Variants in GDAP1 observed in about 807,000 individuals in gnomAD.
GDAP1 encodes the protein ganglioside-induced differentiation-associated protein 1.
Under a neutral mutation model 40.1 loss-of-function variants are expected in GDAP1, and 34 were observed. The observed-to-expected ratio is 0.85, with a 90% confidence interval of 0.64 to 1.13. The LOEUF (loss-of-function observed/expected upper bound fraction) is 1.13, where lower values mean the gene tolerates loss of function less well. Ranked by LOEUF, GDAP1 falls within the 50% of genes most tolerant of loss-of-function variation. GDAP1 has a pLI of 0.00. For synonymous variants in GDAP1, 170 were observed against 157.4 expected (o/e 1.08, Z -0.60); for missense variants, 374 against 433.7 (o/e 0.86, Z 1.22).
chr8:74,449,493 T>C (rs1806271383), intron 2 of GDAP1, among the ~76,000 whole-genome samples: 1 of 151,882 alleles, frequency 6.6e-6, no homozygotes. Context: ...AGGTCTTAGA[T>C]TTTTCTAAAC....
rs188611983 is a variant in GDAP1 at position 74,457,008 on chromosome 8, A to G, written c.166-31670A>G. Among the ~76,000 whole-genome samples, 749 of 152,234 alleles carry G rather than the reference A, an allele frequency of 4.9e-3. 6 individuals are homozygous for G. The highest frequency in any genetic ancestry group is 8.5e-3 in the Non-Finnish European group (580 of 67,938). The stretch of plus-strand genomic sequence containing the variant: ...GTATTGGAGAAGGGTGGCCCATGCC[A>G]TATGGCTACCCCTTACTTCTGTGTT... On this transcript the variant is annotated intron_variant, in intron 2 of 2. Transcript: ENST00000523640.
At chr8:74,350,776 G>T (rs143803734) in intron 1 of GDAP1, among the ~76,000 whole-genome samples, 198 bp downstream of exon 1, 1 of 152,230 alleles carries the variant, frequency 6.6e-6, no homozygotes, top group East Asian at 1.9e-4. Context: ...ATCCTATGTG[G>T]CTATGGCCCA....
intron 2 of GDAP1, among the ~76,000 whole-genome samples, chr8:74,392,025 G>A (rs921246016): frequency 2.0e-5 from 3 of 152,098 alleles, no homozygotes; most frequent in African/African-American, 7.2e-5. Flanking sequence ...CTCCATGTTG[G>A]TCAGGCTGGT....
At chr8:74,424,931 T>G (rs1805928356) in intron 2 of GDAP1, among the ~76,000 whole-genome samples, 1 of 152,192 alleles carries the variant, frequency 6.6e-6, no homozygotes, top group South Asian at 2.1e-4. Context: ...ATCTTTAAAC[T>G]TCCCTCTTAT....
intron 2 of GDAP1, among the ~76,000 whole-genome samples, chr8:74,446,846 C>T (rs543476978): frequency 4.6e-5 from 7 of 152,048 alleles, no homozygotes; most frequent in South Asian, 4.2e-4. Flanking sequence ...ATATGACATG[C>T]GCAGAATAGG....
chr8:74,439,925 A>G (rs1806142215), intron 2 of GDAP1, among the ~76,000 whole-genome samples: 1 of 151,978 alleles, frequency 6.6e-6, no homozygotes, highest in African/African-American at 2.4e-5. Context: ...CACTATTTTT[A>G]TATATCTTGT....
intron 2 of GDAP1, among the ~76,000 whole-genome samples, chr8:74,422,920 G>A (rs1805896280): frequency 6.6e-6 from 1 of 151,272 alleles, no homozygotes; most frequent in Admixed American, 6.6e-5. Context: ...ATGTAGACAT[G>A]TATATATATA....
intron 2 of GDAP1, among the ~76,000 whole-genome samples, chr8:74,470,134 G>A (rs1806529860): frequency 6.6e-6 from 1 of 151,688 alleles, no homozygotes; most frequent in African/African-American, 2.4e-5. Context: ...TGTAGCTAAT[G>A]CTTTCTTAGA....
intron 2 of GDAP1, among the ~76,000 whole-genome samples, chr8:74,358,421 G>A (rs1809203300): frequency 6.6e-6 from 1 of 152,184 alleles, no homozygotes; most frequent in South Asian, 2.1e-4. Flanking sequence ...GACCCCTAAA[G>A]CATTAGTTCT....
chr8:74,485,002 A>G (rs1806758845), intron 2 of GDAP1, among the ~76,000 whole-genome samples: 1 of 152,102 alleles, frequency 6.6e-6, no homozygotes, highest in Non-Finnish European at 1.5e-5. Flanking sequence ...TTACCATTTC[A>G]AACCCACACA....
intron 2 of GDAP1, among the ~76,000 whole-genome samples, chr8:74,471,707 T>C (rs1387021664): frequency 1.3e-5 from 2 of 152,282 alleles, no homozygotes; most frequent in East Asian, 3.9e-4. Context: ...ACCACTGATA[T>C]ACTGCTTGTC....
chr8:74,423,881 A>G (rs1356647923), intron 2 of GDAP1, among the ~76,000 whole-genome samples: 1 of 152,130 alleles, frequency 6.6e-6, no homozygotes, highest in Non-Finnish European at 1.5e-5. Flanking sequence ...CCTTCTTGGG[A>G]AGAGAAGGGG....
intron 2 of GDAP1, among the ~76,000 whole-genome samples, chr8:74,483,848 C>T (rs1326193930): frequency 6.6e-6 from 1 of 152,154 alleles, no homozygotes; most frequent in African/African-American, 2.4e-5. Context: ...AGTGATTTCT[C>T]CTTCTGCTAA....
chr8:74,439,237 G>T lies in GDAP1; in HGVS notation c.166-49441G>T, dbSNP rs138087976. ...ATATACATGTTATATATATATGTGT[G>T]TGTGTATATACACATATTACATATA... On this transcript the variant is annotated intron_variant, in intron 2 of 2. Transcript: ENST00000523640. 4.0e-3 allele frequency among the ~76,000 whole-genome samples: 609 copies of T among 152,080 alleles called. 4 individuals are homozygous for T. Among genetic ancestry groups the T allele is most frequent in the African/African-American group, 0.013 (529 of 41,498 alleles).
rs1809526512 is a variant in GDAP1, at chr8:74,364,432, GCT to G, written c.*70_*71del. ...TAGCTAGACCCTGTGATTGCCCGTGGCTCTCTGAGTCTGTCTTATTGAGTAGT... is the reference window on the plus strand; with the variant it reads ...TAGCTAGACCCTGTGATTGCCCGTGGCTCTGAGTCTGTCTTATTGAGTAGT... On this transcript the variant is annotated 3_prime_UTR_variant, in exon 6 of 6. Transcript: ENST00000220822. The G allele has an allele frequency of 1.3e-6, 2 of 1,496,046 alleles. No homozygotes were observed. The highest frequency in any genetic ancestry group is 1.8e-6 in the Non-Finnish European group (2 of 1,082,352). 92.7% of individuals were successfully genotyped at this position (1,496,046 alleles called of 1,614,324 possible). A position where few individuals can be genotyped will look rare whatever the true frequency, so the allele number is the denominator to read the frequency against.
chr8:74,428,077 G>A (rs1370131777), intron 2 of GDAP1, among the ~76,000 whole-genome samples: 2 of 152,076 alleles, frequency 1.3e-5, no homozygotes, highest in Non-Finnish European at 2.9e-5. Context: ...CAGTTGTATG[G>A]TCTTTCAGTT....
At chr8:74,447,254 A>C (rs1266596076) in intron 2 of GDAP1, among the ~76,000 whole-genome samples, 1 of 151,980 alleles carries the variant, frequency 6.6e-6, no homozygotes, top group Non-Finnish European at 1.5e-5. Flanking sequence ...TCAATCAATA[A>C]TTTTTTTCCA....
At chr8:74,368,306 C>T (rs945000283), downstream of GDAP1, among the ~76,000 whole-genome samples, 2 of 152,120 alleles carry the variant, frequency 1.3e-5, no homozygotes, top group Non-Finnish European at 2.9e-5. Flanking sequence ...ATTAAACTAC[C>T]TTTTGAATTT....
At chr8:74,432,460 A>G (rs1357049386) in intron 2 of GDAP1, among the ~76,000 whole-genome samples, 3 of 152,166 alleles carry the variant, frequency 2.0e-5, no homozygotes, top group African/African-American at 7.2e-5. Context: ...CCCAGTATTT[A>G]GTAAATAAAA....
Sources: gnomAD v4.1 joint callset for allele counts (sites outside exome capture counted in the v4.1 genomes callset) on GRCh38, gnomAD v4.1.1 for gene constraint, MANE v1.5 for transcripts, NCBI Gene and HGNC (gene_info 2026-07-23, HGNC 2026-07-21) for gene names.